Variants in SDCBP2 observed in about 807,000 individuals in gnomAD.
SDCBP2 encodes syndecan binding protein 2, also known as syntenin-2.
In SDCBP2, 28 loss-of-function variants were observed where a neutral mutation model predicts 30.7. The ratio of observed to expected loss-of-function variants is 0.91; its 90% confidence interval spans 0.68 to 1.25. The LOEUF is 1.25. Among genes scored for constraint, SDCBP2 ranks in the 50% most tolerant of loss-of-function variants. SDCBP2 has a pLI of 0.00. For synonymous variants in SDCBP2, 166 were observed against 157.3 expected (o/e 1.06, Z -0.41); for missense variants, 399 against 379.0 (o/e 1.05, Z -0.44).
In SDCBP2 at chr20:1,314,963, C is replaced by A. The variant is rs1026510060; in HGVS notation, c.226-1465G>T. Among the ~76,000 whole-genome samples the A allele has an allele frequency of 2.0e-5, 3 of 152,170 alleles. No individual in the cohort carries two copies. In the East Asian group the frequency reaches 5.8e-4, roughly 29 times the overall value. On this transcript the variant is annotated intron_variant, in intron 4 of 8. Transcript: ENST00000360779. ...TATACAGATATAACACCATTTCTAT[C>A]AAAATCTCTACAAGATGTTTTGCAG...
At position 1,312,488 on chromosome 20, in the gene SDCBP2, G is replaced by T; in HGVS notation, c.581C>A (p.Thr194Asn). Residue 194 changes from threonine (T) to asparagine (N), a missense_variant, in exon 7 of 9, where the codon ACC becomes AAC. Physicochemically the swap from Thr to Asn is moderately conservative, Grantham distance 65. Transcript: ENST00000360779. The stretch of plus-strand genomic sequence containing the variant: ...GTGGCCCATGCTGTCCTTGTGCATG[G>T]TGACAGTCCGCTGGAACGGCCTGGC... ...VRDRPFQRTV[T>N]MHKDSMGHVG... 6.2e-7 allele frequency: 1 copy of T among 1,614,176 alleles called. No individual in the cohort carries two copies. Among genetic ancestry groups the T allele is most frequent in the South Asian group, 1.1e-5 (1 of 91,086 alleles).
chr20:1,320,511 C>G lies in SDCBP2; in HGVS notation c.-19-76G>C. On this transcript the variant is annotated intron_variant, in intron 1 of 8. Coordinates refer to ENST00000360779, the MANE Select transcript of SDCBP2 (RefSeq NM_080489.5). The surrounding 1 kb of genome is among the most constrained non-coding windows in gnomAD (Gnocchi z 4.7). ...TGAAAGGAGGCACAGACATCCGCAA[C>G]AGCAAGCGGGTTGGAACTTAATATT... 2 of 1,170,094 alleles carry G rather than the reference C, an allele frequency of 1.7e-6. No homozygotes were observed. The highest frequency in any genetic ancestry group is 2.7e-5 in the South Asian group (2 of 73,840). The allele number at this position is 1,170,094 out of a possible 1,614,324, so 72.5% of individuals were successfully genotyped here.
Position 1,313,430 on chromosome 20 carries a change from C to T in SDCBP2, c.294G>A (p.Arg98=). 2 of 1,604,184 alleles carry T rather than the reference C, an allele frequency of 1.2e-6. No homozygotes were observed. The highest frequency in any genetic ancestry group is 1.7e-6 in the Non-Finnish European group (2 of 1,176,834). Residue 98 remains arginine (R), a synonymous_variant, in exon 5 of 9, where the codon CGG becomes CGA. Transcript: ENST00000360779. This position sits in a 1 kb window ranked among gnomAD's most constrained non-coding sequence, Gnocchi z 5.2. ...GCACCCCGGGCTTGATCTCAGCTCG[C>T]CGCACGCCCAGGCTGTACCCGGTTA... ...APVTGYSLGV[R]RAEIKPGVRE...
At chr20:1,325,290 G>A (rs918870282) in intron 1 of SDCBP2, 2 of 152,234 alleles carry the variant, frequency 1.3e-5, no homozygotes, top group Admixed American at 6.5e-5. Context: ...ACAGGTTACG[G>A]CGGTTGCTAT....
intron 4 of SDCBP2, chr20:1,318,048 C>T (rs1187336576): frequency 6.0e-6 from 3 of 503,624 alleles, no homozygotes; most frequent in Non-Finnish European, 7.7e-6. Flanking sequence ...AATGACCTCC[C>T]TTCTCATCCA....
chr20:1,320,732 A>C lies in SDCBP2; in HGVS notation c.-19-297T>G. 1 of 235,038 alleles carries C rather than the reference A, an allele frequency of 4.3e-6. No homozygotes were observed. Among genetic ancestry groups the C allele is most frequent in the Non-Finnish European group, 8.4e-6 (1 of 119,370 alleles). The allele number at this position is 235,038 out of a possible 1,614,324, so 14.6% of individuals were successfully genotyped here. A position where few individuals can be genotyped will look rare whatever the true frequency, so the allele number is the denominator to read the frequency against. On this transcript the variant is annotated intron_variant, in intron 1 of 8. Coordinates refer to ENST00000360779, the MANE Select transcript of SDCBP2 (RefSeq NM_080489.5). This position sits in a 1 kb window ranked among gnomAD's most constrained non-coding sequence, Gnocchi z 4.7. ...AACTGTAGCAGAACTTAGACACTCA[A>C]CAGGGCACTGCTCCAGAGGGAGGAG...
intron 4 of SDCBP2, chr20:1,317,612 T>C (rs1458377189): frequency 6.2e-6 from 1 of 161,030 alleles, no homozygotes; most frequent in Admixed American, 5.7e-5. Context: ...CATGGCCTCA[T>C]CCTTGTGGAT....
rs1486975251 is a variant in SDCBP2 at position 1,312,450 on chromosome 20, T to C, written c.619A>G (p.Ile207Val). 8 of 1,613,992 alleles carry C rather than the reference T, an allele frequency of 5.0e-6. No individual in the cohort carries two copies. The highest frequency in any genetic ancestry group is 1.3e-5 in the African/African-American group (1 of 74,914). The change falls in exon 7 of 9, where the codon ATC becomes GTC. Residue 207 changes from isoleucine to valine, a missense_variant. Transcript: ENST00000360779. ...AGAGAGACAATCTTCCCCTTCTTGA[T>C]CACGAAGCCGACGTGGCCCATGCTG... ...KDSMGHVGFV[I>V]KKGKIVSLVK... is the part of the protein sequence containing the mutation.
chr20:1,328,102 C>T (rs1473908659), intron 1 of SDCBP2, among the ~76,000 whole-genome samples: 3 of 152,134 alleles, frequency 2.0e-5, no homozygotes, highest in Non-Finnish European at 2.9e-5. Context: ...ATTGCAGAGC[C>T]TCTCAGGTGG....
In SDCBP2 at chr20:1,313,259, A is replaced by G. The variant is rs762713571; in HGVS notation, c.384+81T>C. On this transcript the variant is annotated intron_variant, in intron 5 of 8. Coordinates refer to ENST00000360779, the MANE Select transcript of SDCBP2 (RefSeq NM_080489.5). The surrounding 1 kb of genome is among the most constrained non-coding windows in gnomAD (Gnocchi z 5.2). Reference sequence around the variant, plus strand: ...CCGCTCTGCACCTTCCTTACTGTGGACGGGCCCTCTGAGCTCTGAGGCCTG... The same window carrying G: ...CCGCTCTGCACCTTCCTTACTGTGGGCGGGCCCTCTGAGCTCTGAGGCCTG... 7.0e-6 allele frequency: 10 copies of G among 1,427,930 alleles called. No homozygotes were observed. Among genetic ancestry groups the G allele is most frequent in the South Asian group, 3.7e-5 (3 of 81,450 alleles). The allele number at this position is 1,427,930 out of a possible 1,614,324, so 88.5% of individuals were successfully genotyped here.
chr20:1,318,469 C>A, intron 3 of SDCBP2, 51 bp from the exon 4 acceptor site: 1 of 1,164,302 alleles, frequency 8.6e-7, no homozygotes, highest in Non-Finnish European at 1.2e-6. Flanking sequence ...ACATGTGCTT[C>A]CCTATGCCTG....
At position 1,313,513 on chromosome 20, in the gene SDCBP2, G is replaced by A. The variant is rs2088718496; in HGVS notation, c.226-15C>T. The A allele has an allele frequency of 5.7e-6, 9 of 1,571,434 alleles. No homozygotes were observed. The highest frequency in any genetic ancestry group is 6.9e-6 in the Non-Finnish European group (8 of 1,163,382). On this transcript the variant is annotated splice_polypyrimidine_tract_variant and intron_variant, in intron 4 of 8. Coordinates refer to ENST00000360779, the MANE Select transcript of SDCBP2 (RefSeq NM_080489.5). This position sits in a 1 kb window ranked among gnomAD's most constrained non-coding sequence, Gnocchi z 5.2. ...GAGACCGCTGTCTGCAGACACCAGG[G>A]GGCAGGGGGTCAGCCCGGCCCGTGG...
intron 8 of SDCBP2, 66 bp downstream of exon 8, chr20:1,310,734 G>A: frequency 7.1e-7 from 1 of 1,411,562 alleles, no homozygotes. Context: ...GTGCACCTGG[G>A]AGGCCGGGAG....
intron 1 of SDCBP2, among the ~76,000 whole-genome samples, chr20:1,326,461 G>A (rs1233831463): frequency 6.6e-6 from 1 of 152,148 alleles, no homozygotes; most frequent in Non-Finnish European, 1.5e-5. Flanking sequence ...GACTACTTTA[G>A]GTTGAGTCCT....
chr20:1,313,604 C>T lies in SDCBP2; in HGVS notation c.226-106G>A, dbSNP rs1202925221. The T allele has an allele frequency of 7.0e-7, 1 of 1,431,154 alleles. No individual in the cohort carries two copies. The highest frequency in any genetic ancestry group is 9.1e-7 in the Non-Finnish European group (1 of 1,094,418). The allele number at this position is 1,431,154 out of a possible 1,614,324, so 88.7% of individuals were successfully genotyped here. On this transcript the variant is annotated intron_variant, in intron 4 of 8. Coordinates refer to ENST00000360779, the MANE Select transcript of SDCBP2 (RefSeq NM_080489.5). The surrounding 1 kb of genome is among the most constrained non-coding windows in gnomAD (Gnocchi z 5.2). ...TGGGGAAAGGAGGATGGAGCCGTCC[C>T]CGGGTCCCCCCACGTCCCCAGTCCA...
In SDCBP2 at chr20:1,310,145, C is replaced by A. The variant is rs2088638379; in HGVS notation, c.*296G>T. On this transcript the variant is annotated 3_prime_UTR_variant, in exon 9 of 9. Transcript: ENST00000360779. ...TAGAGCAAAATTTCTTGAAAGGGGC[C>A]CAGTTGCGACTTTAAGCAGCGTTTA... The A allele has an allele frequency of 3.2e-6, 1 of 314,124 alleles. No individual in the cohort carries two copies. The highest frequency in any genetic ancestry group is 5.8e-5 in the East Asian group (1 of 17,098). The allele number at this position is 314,124 out of a possible 1,614,324, so 19.5% of individuals were successfully genotyped here. A position where few individuals can be genotyped will look rare whatever the true frequency, so the allele number is the denominator to read the frequency against.
In SDCBP2 at chr20:1,319,614, C is replaced by T. The variant is rs2088825742; in HGVS notation, c.100G>A (p.Ala34Thr). The change falls in exon 3 of 9, where the codon GCA becomes ACA. Residue 34 changes from alanine to threonine, a missense_variant. Coordinates refer to ENST00000360779, the MANE Select transcript of SDCBP2 (RefSeq NM_080489.5). The part of the protein sequence containing the change: ...SPKMPALPVQ[A>T]TAISPPPVLY... ...CCTGGTGGTGGGGAAATGGCTGTTG[C>T]CTGGACTGGCAGGGCTGGCATCTTG... The T allele has an allele frequency of 1.3e-6, 2 of 1,574,372 alleles. No homozygotes were observed. The highest frequency in any genetic ancestry group is 1.7e-6 in the Non-Finnish European group (2 of 1,159,404).
intron 7 of SDCBP2, 67 bp downstream of exon 7, chr20:1,312,270 A>G (rs892372009): frequency 1.6e-5 from 24 of 1,518,050 alleles, no homozygotes; most frequent in Middle Eastern, 3.4e-4. Context: ...TGGGGTAAGC[A>G]AGCTGCCCAA....
intron 7 of SDCBP2, 47 bp downstream of exon 7, chr20:1,312,290 C>A: frequency 6.3e-7 from 1 of 1,587,386 alleles, no homozygotes; most frequent in South Asian, 1.1e-5. Flanking sequence ...AAGACCTGAG[C>A]CCTCCCACCA....
Sources: allele counts gnomAD v4.1 joint callset (sites outside exome capture counted in the v4.1 genomes callset), GRCh38; gene constraint gnomAD v4.1.1; non-coding constraint Gnocchi (gnomAD v3.1); transcripts MANE v1.5; gene names NCBI Gene and HGNC (gene_info 2026-07-23, HGNC 2026-07-21).